The following CPHXL2 variants were observed in gnomAD, a reference collection of about 807,000 sequenced individuals.
CPHXL2 encodes cytoplasmic polyadenylated homeobox like 2, also known as cytoplasmic polyadenylated homeobox-like protein 2.
chr16:75,668,930 T>G, the CPHXL2 span, among the ~76,000 whole-genome samples: 6 of 152,188 alleles, frequency 3.9e-5, no homozygotes. Flanking sequence ...GATGTATATA[T>G]TTTGATTACT....
the CPHXL2 span, among the ~76,000 whole-genome samples, chr16:75,665,943 T>C: frequency 2.6e-5 from 4 of 152,098 alleles, no homozygotes; most frequent in Non-Finnish European, 4.4e-5. Context: ...AATACTAACA[T>C]TGAATGTAAA....
At chr16:75,664,227 C>A in the CPHXL2 span, among the ~76,000 whole-genome samples, 6 of 152,314 alleles carry the variant, frequency 3.9e-5, no homozygotes, top group Admixed American at 1.3e-4. Context: ...CCACCTTGGG[C>A]ACATATCATC....
the CPHXL2 span, among the ~76,000 whole-genome samples, chr16:75,674,331 C>T: frequency 7.1e-6 from 1 of 140,740 alleles, no homozygotes; most frequent in Non-Finnish European, 1.5e-5. Flanking sequence ...CGAGATCGCA[C>T]CACTGCACTC....
the CPHXL2 span, among the ~76,000 whole-genome samples, chr16:75,670,870 C>T: frequency 1.2e-4 from 18 of 152,150 alleles, no homozygotes; most frequent in African/African-American, 3.6e-4. Context: ...CCTGACATCG[C>T]TTCTTCTTTT....
chr16:75,666,320 A>G, the CPHXL2 span, among the ~76,000 whole-genome samples: 1 of 152,178 alleles, frequency 6.6e-6, no homozygotes, highest in Non-Finnish European at 1.5e-5. Context: ...ATAGACAGCA[A>G]TACAATAATA....
chr16:75,670,335 A>T, the CPHXL2 span, among the ~76,000 whole-genome samples: 1 of 152,210 alleles, frequency 6.6e-6, no homozygotes, highest in Non-Finnish European at 1.5e-5. Context: ...CTACTGAGGG[A>T]ACGGAATCGG....
chr16:75,675,602 C>G, the CPHXL2 span, among the ~76,000 whole-genome samples: 2 of 152,138 alleles, frequency 1.3e-5, no homozygotes, highest in African/African-American at 2.4e-5. Context: ...CTGAGGCTAC[C>G]TTCACGCCAC....
At chr16:75,668,756 GTA>G in the CPHXL2 span, among the ~76,000 whole-genome samples, 1 of 151,954 alleles carries the variant, frequency 6.6e-6, no homozygotes, top group Non-Finnish European at 1.5e-5. Flanking sequence ...TTTAAAATTT[GTA>G]TTTTTTTTTA....
the CPHXL2 span, among the ~76,000 whole-genome samples, chr16:75,667,291 G>A: frequency 4.3e-5 from 6 of 139,246 alleles, no homozygotes; most frequent in East Asian, 2.0e-4. Flanking sequence ...CAGCCTGGGC[G>A]ACAGAGGGAG....
the CPHXL2 span, among the ~76,000 whole-genome samples, chr16:75,671,845 C>T: frequency 6.6e-6 from 1 of 152,116 alleles, no homozygotes; most frequent in Non-Finnish European, 1.5e-5. Context: ...AGAGAGGAGG[C>T]AAGGTGAGAC....
At chr16:75,660,398 G>A in the CPHXL2 span, 14 of 398,562 alleles carry the variant, frequency 3.5e-5, no homozygotes, top group Non-Finnish European at 5.7e-5. Context: ...GGGGTGAGTT[G>A]GCAGCTATTT....
the CPHXL2 span, chr16:75,669,556 G>C: frequency 2.5e-6 from 1 of 398,740 alleles, no homozygotes; most frequent in Non-Finnish European, 4.4e-6. Flanking sequence ...AGCTGGGAAA[G>C]CTGACAAAAG....
the CPHXL2 span, among the ~76,000 whole-genome samples, chr16:75,676,781 G>A: frequency 6.6e-6 from 1 of 152,130 alleles, no homozygotes; most frequent in African/African-American, 2.4e-5. Flanking sequence ...TTATAAACAA[G>A]AATCATAATT....
chr16:75,671,683 T>G, the CPHXL2 span, among the ~76,000 whole-genome samples: 1 of 152,204 alleles, frequency 6.6e-6, no homozygotes, highest in African/African-American at 2.4e-5. Flanking sequence ...CAATAAATAT[T>G]TTTTAAATGG....
the CPHXL2 span, among the ~76,000 whole-genome samples, chr16:75,671,828 GAA>G: frequency 6.6e-6 from 1 of 152,192 alleles, no homozygotes; most frequent in South Asian, 2.1e-4. Flanking sequence ...AAGTGTGACT[GAA>G]AAAGAGAGAG....
chr16:75,663,817 C>T, the CPHXL2 span, among the ~76,000 whole-genome samples: 7 of 140,990 alleles, frequency 5.0e-5, no homozygotes, highest in East Asian at 6.7e-4. Context: ...ACCTGGGAGG[C>T]GGAGCTTACA....
the CPHXL2 span, chr16:75,661,245 C>G: frequency 2.5e-6 from 1 of 400,692 alleles, no homozygotes; most frequent in Non-Finnish European, 4.4e-6. Context: ...GTTCTGGAAC[C>G]AGTTCTAAAG....
At chr16:75,667,287 G>C in the CPHXL2 span, among the ~76,000 whole-genome samples, 1 of 149,738 alleles carries the variant, frequency 6.7e-6, no homozygotes, top group Admixed American at 6.6e-5. Flanking sequence ...ACTCCAGCCT[G>C]GGCGACAGAG....
At chr16:75,661,844 T>C in the CPHXL2 span, among the ~76,000 whole-genome samples, 3 of 152,170 alleles carry the variant, frequency 2.0e-5, no homozygotes, top group Non-Finnish European at 4.4e-5. Context: ...CCATTTTTCC[T>C]CTGCTCTCAT....
Sources: allele counts gnomAD v4.1 joint callset (sites outside exome capture counted in the v4.1 genomes callset), GRCh38; gene constraint gnomAD v4.1.1; transcripts MANE v1.5; gene names NCBI Gene and HGNC (gene_info 2026-07-23, HGNC 2026-07-21).